SUPT3H: variants seen among roughly 807,000 people sequenced by gnomAD.
SUPT3H encodes transcription initiation protein SPT3 homolog.
In SUPT3H, 44 loss-of-function variants were observed where a neutral mutation model predicts 44.3. The observed-to-expected ratio is 0.99, with a 90% CI of 0.78 to 1.28. The LOEUF is 1.28. SUPT3H is among the 50% of genes most tolerant of loss of function. The pLI, the probability that SUPT3H is intolerant of heterozygous loss-of-function variation, is 0.00. For synonymous variants in SUPT3H, 124 were observed against 125.6 expected, an observed-to-expected ratio of 0.99 and a Z score of 0.09; for missense variants, 380 against 387.1, an observed-to-expected ratio of 0.98 and a Z score of 0.15.
chr6:45,355,784 T>C (rs1212612282), intron 2 of SUPT3H, among the ~76,000 whole-genome samples: 1 of 152,198 alleles, frequency 6.6e-6, no homozygotes, highest in Non-Finnish European at 1.5e-5. Context: ...TATCAGTGCT[T>C]GACTTAGAAA....
intron 3 of SUPT3H, among the ~76,000 whole-genome samples, chr6:45,029,437 G>A (rs1490181471): frequency 6.6e-6 from 1 of 150,948 alleles, no homozygotes; most frequent in East Asian, 1.9e-4. Context: ...CAATCAATGT[G>A]ACCTCTAAAG....
At chr6:44,893,013 A>C (rs1021597982) in intron 10 of SUPT3H, among the ~76,000 whole-genome samples, 1 of 152,190 alleles carries the variant, frequency 6.6e-6, no homozygotes, top group Non-Finnish European at 1.5e-5. Context: ...ACAAATACAA[A>C]ATGTATGTAG....
intron 10 of SUPT3H, among the ~76,000 whole-genome samples, chr6:44,910,188 T>C (rs966905510): frequency 3.2e-4 from 48 of 152,002 alleles, no homozygotes; most frequent in Non-Finnish European, 5.7e-4. Context: ...CCTTCTCTCT[T>C]TTCCCCTACA....
At chr6:44,822,113 G>C (rs1344867664), downstream of SUPT3H, among the ~76,000 whole-genome samples, 6 of 152,188 alleles carry the variant, frequency 3.9e-5, no homozygotes, top group African/African-American at 9.6e-5. Flanking sequence ...TGAATCTACA[G>C]ATAATTTAAT....
chr6:45,027,479 T>C (rs373219030), intron 3 of SUPT3H, among the ~76,000 whole-genome samples: 4 of 152,226 alleles, frequency 2.6e-5, no homozygotes, highest in East Asian at 1.9e-4. Flanking sequence ...TCAGTCTCCA[T>C]TGACTATTTT....
intron 2 of SUPT3H, among the ~76,000 whole-genome samples, chr6:45,192,993 A>C (rs531889411): frequency 6.6e-6 from 1 of 152,268 alleles, no homozygotes; most frequent in Non-Finnish European, 1.5e-5. Context: ...AATTTTCTAC[A>C]TTTGATGAAG....
intron 2 of SUPT3H, among the ~76,000 whole-genome samples, chr6:45,184,340 T>C (rs1271149106): frequency 1.3e-5 from 2 of 152,148 alleles, no homozygotes; most frequent in East Asian, 1.9e-4. Flanking sequence ...CCTTTTTTTA[T>C]AGGAAAATAA....
intron 6 of SUPT3H, among the ~76,000 whole-genome samples, chr6:44,999,381 C>T (rs940122104): frequency 6.6e-6 from 1 of 151,996 alleles, no homozygotes; most frequent in Non-Finnish European, 1.5e-5. Flanking sequence ...CAGGCGTACA[C>T]CACCACGTGC....
intron 10 of SUPT3H, among the ~76,000 whole-genome samples, chr6:44,930,198 G>A (rs1770330270): frequency 6.6e-6 from 1 of 152,130 alleles, no homozygotes. Context: ...CTAACATGGT[G>A]AAACCCCGTC....
At chr6:44,887,080 T>G (rs1482993899) in intron 10 of SUPT3H, among the ~76,000 whole-genome samples, 1 of 152,290 alleles carries the variant, frequency 6.6e-6, no homozygotes, top group East Asian at 1.9e-4. Flanking sequence ...ATACTAAATA[T>G]ATATGCACCC....
At chr6:44,840,874 A>G (rs920278129) in intron 10 of SUPT3H, among the ~76,000 whole-genome samples, 11 of 152,372 alleles carry the variant, frequency 7.2e-5, no homozygotes, top group Middle Eastern at 3.4e-3. Flanking sequence ...TTGTGTAAAC[A>G]TAATTATATG....
intron 2 of SUPT3H, among the ~76,000 whole-genome samples, chr6:45,145,895 G>A (rs1805978072): frequency 6.6e-6 from 1 of 152,004 alleles, no homozygotes; most frequent in Non-Finnish European, 1.5e-5. Flanking sequence ...TGTACAAATG[G>A]CCAACGAACA....
intron 5 of SUPT3H, among the ~76,000 whole-genome samples, chr6:45,009,137 G>T (rs1048070950): frequency 1.3e-5 from 2 of 151,988 alleles, no homozygotes; most frequent in African/African-American, 4.8e-5. Flanking sequence ...TCTTTTTATT[G>T]TTAAGTTGCA....
In SUPT3H at chr6:45,308,305, C is replaced by T. The variant is rs186551122; in HGVS notation, c.101+56896G>A. 1.0e-3 allele frequency among the ~76,000 whole-genome samples: 152 copies of T among 152,144 alleles called. 1 individual carries two copies. The highest frequency in any genetic ancestry group is 2.7e-3 in the Admixed American group (41 of 15,280). On this transcript the variant is annotated intron_variant, in intron 2 of 10. Coordinates refer to ENST00000371459, the MANE Select transcript of SUPT3H (RefSeq NM_003599.4). ...CCAAGACACATAATTGTCAGATTCA[C>T]CTAAGTTGAAATGAAGGAAAAAATG... is the stretch of plus-strand genomic sequence containing the variant.
At chr6:45,156,574 A>G (rs1807849963) in intron 2 of SUPT3H, among the ~76,000 whole-genome samples, 2 of 151,458 alleles carry the variant, frequency 1.3e-5, no homozygotes, top group African/African-American at 4.8e-5. Context: ...AATATAATTA[A>G]TATAATTTCA....
rs780304527 is a variant in SUPT3H, at chr6:45,321,903, AT to A, written c.101+43297del. The A allele has an allele frequency of 1.4e-5, 20 of 1,450,574 alleles. No homozygotes were observed. In the South Asian group the frequency reaches 2.5e-4, roughly 18 times the overall value. 89.9% of individuals were successfully genotyped at this position (1,450,574 alleles called of 1,614,324 possible). A position where few individuals can be genotyped will look rare whatever the true frequency, so the allele number is the denominator to read the frequency against. On this transcript the variant is annotated intron_variant, in intron 2 of 10. Coordinates refer to ENST00000371459, the MANE Select transcript of SUPT3H (RefSeq NM_003599.4). ...TTTTCCCTATGAAGCTAGAAAAAAA[AT>A]TGTAATCTCACCTTAGATGGTTAAA...
chr6:45,182,884 T>C (rs1813534135), intron 2 of SUPT3H, among the ~76,000 whole-genome samples: 1 of 152,172 alleles, frequency 6.6e-6, no homozygotes, highest in Admixed American at 6.5e-5. Context: ...CTGGTGGAAA[T>C]ACAAAATGGT....
intron 10 of SUPT3H, among the ~76,000 whole-genome samples, chr6:44,902,980 A>G (rs1276381466): frequency 6.6e-6 from 1 of 152,158 alleles, no homozygotes; most frequent in African/African-American, 2.4e-5. Context: ...CTTTGAAACC[A>G]ACGAGAACAA....
intron 2 of SUPT3H, among the ~76,000 whole-genome samples, chr6:45,264,666 AAAAT>A (rs1277168215): frequency 1.3e-5 from 2 of 152,308 alleles, no homozygotes; most frequent in African/African-American, 2.4e-5. Flanking sequence ...GAGGCAGGAT[AAAAT>A]AAATAAAACA....
Sources: gnomAD v4.1 joint callset for allele counts (sites outside exome capture counted in the v4.1 genomes callset) on GRCh38, gnomAD v4.1.1 for gene constraint, MANE v1.5 for transcripts, NCBI Gene and HGNC (gene_info 2026-07-23, HGNC 2026-07-21) for gene names.